The following AACS variants were observed in gnomAD, a reference collection of about 807,000 sequenced individuals.
AACS encodes the protein acetoacetyl-CoA synthetase, also known as acetoacetate-CoA ligase.
A neutral mutation model predicts 83.1 loss-of-function variants in AACS; 69 were observed. That is an observed-to-expected ratio of 0.83 (90% CI 0.68 to 1.01). AACS has a LOEUF of 1.01. Among genes scored for constraint, AACS ranks in the 50% least tolerant of loss-of-function variants. The pLI is 0.00. For synonymous variants in AACS, 333 were observed against 343.4 expected (o/e 0.97, Z 0.33); for missense variants, 866 against 882.2 (o/e 0.98, Z 0.23).
intron 15 of AACS, 83 bp from the exon 16 acceptor site, chr12:125,134,711 G>A (rs1216041820): frequency 7.4e-6 from 11 of 1,492,048 alleles, no homozygotes; most frequent in Non-Finnish European, 9.3e-6. Context: ...GGAAAGTGGG[G>A]GGTGACTGCC....
chr12:125,092,957 C>T (rs1040069278), intron 5 of AACS, among the ~76,000 whole-genome samples: 1 of 152,170 alleles, frequency 6.6e-6, no homozygotes, highest in Non-Finnish European at 1.5e-5. Context: ...GGCTGGCTGC[C>T]TCTGCTCCAT....
At chr12:125,116,918 C>T (rs1008789606) in intron 9 of AACS, among the ~76,000 whole-genome samples, 5 of 144,382 alleles carry the variant, frequency 3.5e-5, no homozygotes, top group Admixed American at 7.2e-5. Context: ...TCCCGTTTTC[C>T]CTTTGCCTTT....
intron 8 of AACS, among the ~76,000 whole-genome samples, chr12:125,112,114 C>T (rs769903245): frequency 6.6e-6 from 1 of 152,152 alleles, no homozygotes; most frequent in African/African-American, 2.4e-5. Flanking sequence ...TAAGTGGATT[C>T]GTGGAAAGAT....
At chr12:125,070,187 T>G (rs1300093307) in intron 1 of AACS, among the ~76,000 whole-genome samples, 1 of 152,168 alleles carries the variant, frequency 6.6e-6, no homozygotes, top group Non-Finnish European at 1.5e-5. Context: ...TACAAGCGGT[T>G]GCGGTTCTCC....
intron 3 of AACS, 98 bp from the exon 4 acceptor site, chr12:125,086,232 C>G: frequency 1.0e-6 from 1 of 994,998 alleles, no homozygotes; most frequent in East Asian, 2.4e-5. Context: ...AGATTAATAA[C>G]CTGCATTGAA....
At position 125,141,943 on chromosome 12, in the gene AACS, G is replaced by A. The variant is rs980093680; in HGVS notation, c.1882-149G>A. The stretch of plus-strand genomic sequence containing the variant: ...TACTTCGGTGCACGTTTGCAGACCT[G>A]GTGGGAAGAGGGGCATCTTAGAGCC... On this transcript the variant is annotated intron_variant, in intron 17 of 17. Coordinates refer to ENST00000316519, the MANE Select transcript of AACS (RefSeq NM_023928.5). 1.3e-5 allele frequency: 12 copies of A among 933,938 alleles called. No individual in the cohort carries two copies. In the South Asian group the frequency reaches 1.9e-4, roughly 15 times the overall value. The allele number at this position is 933,938 out of a possible 1,614,324, so 57.9% of individuals were successfully genotyped here.
At chr12:125,133,115 C>G (rs953090409) in intron 14 of AACS, among the ~76,000 whole-genome samples, 1 of 152,224 alleles carries the variant, frequency 6.6e-6, no homozygotes, top group Non-Finnish European at 1.5e-5. Context: ...AGCAGAGATG[C>G]GCTTTTGATT....
In AACS at chr12:125,097,970, G is replaced by T. The variant is rs139778074; in HGVS notation, c.571-4709G>T. Among the ~76,000 whole-genome samples, 54 of 152,320 alleles carry T rather than the reference G, an allele frequency of 3.5e-4. No homozygotes were observed. Among genetic ancestry groups the T allele is most frequent in the African/African-American group, 1.3e-3 (52 of 41,568 alleles). The stretch of plus-strand genomic sequence containing the variant: ...ACTGCCATCTCTCACGCGTGCCGTC[G>T]TAGTAGCTTCCGACCAGTCTCATTT... On this transcript the variant is annotated intron_variant, in intron 5 of 17. Coordinates refer to ENST00000316519, the MANE Select transcript of AACS (RefSeq NM_023928.5). The surrounding 1 kb of genome is among the most constrained non-coding windows in gnomAD (Gnocchi z 4.3).
rs1036268143 is a variant in AACS, at chr12:125,094,084, G to A, written c.570+2561G>A. Among the ~76,000 whole-genome samples, 1 of 152,214 alleles carries A rather than the reference G, an allele frequency of 6.6e-6. No individual in the cohort carries two copies. Among genetic ancestry groups the A allele is most frequent in the Admixed American group, 6.5e-5 (1 of 15,278 alleles). The stretch of plus-strand genomic sequence containing the variant: ...CTCTATTTACCATCCTTGTTCAGGG[G>A]CTAAAACTAACAGGGATGAATTCCT... On this transcript the variant is annotated intron_variant, in intron 5 of 17. Transcript: ENST00000316519. This position sits in a 1 kb window ranked among gnomAD's most constrained non-coding sequence, Gnocchi z 4.1.
chr12:125,108,827 C>G (rs947847298), intron 8 of AACS, among the ~76,000 whole-genome samples: 2 of 150,162 alleles, frequency 1.3e-5, no homozygotes, highest in East Asian at 3.9e-4. Context: ...GCCGCTATGC[C>G]CTACTCGTTT....
At position 125,072,527 on chromosome 12, in the gene AACS, A is replaced by T. The variant is rs187974585; in HGVS notation, c.134-1349A>T. The stretch of plus-strand genomic sequence containing the variant: ...CCATTGGCCATCTTCCTGTTATGTT[A>T]TTATATCCTTGCCAGTCTCTGCCTT... On this transcript the variant is annotated intron_variant, in intron 1 of 17. Transcript: ENST00000316519. 4.6e-3 allele frequency among the ~76,000 whole-genome samples: 701 copies of T among 152,158 alleles called. 3 individuals are homozygous for T. The highest frequency in any genetic ancestry group is 0.014 in the Middle Eastern group (4 of 294).
chr12:125,075,677 T>C (rs1313928984), intron 2 of AACS, among the ~76,000 whole-genome samples: 1 of 150,096 alleles, frequency 6.7e-6, no homozygotes, highest in Non-Finnish European at 1.5e-5. Flanking sequence ...CACTGCAAGC[T>C]CCGCCTCCTG....
chr12:125,086,594 A>G, intron 4 of AACS, 151 bp downstream of exon 4: 2 of 696,040 alleles, frequency 2.9e-6, no homozygotes, highest in South Asian at 1.9e-5. Flanking sequence ...AGGAGAAAAA[A>G]TAGACCAAGG....
intron 1 of AACS, among the ~76,000 whole-genome samples, chr12:125,066,003 C>A (rs1424372677): frequency 1.3e-5 from 2 of 152,242 alleles, no homozygotes; most frequent in Non-Finnish European, 2.9e-5. Context: ...GACCGTGTGA[C>A]CCCTTGCTAG....
chr12:125,088,425 G>A (rs929884838), intron 4 of AACS, among the ~76,000 whole-genome samples: 1 of 151,926 alleles, frequency 6.6e-6, no homozygotes, highest in Non-Finnish European at 1.5e-5. Flanking sequence ...TAAAGACAGG[G>A]TCTTGCTATG....
chr12:125,119,361 G>T (rs1057491145), intron 10 of AACS, among the ~76,000 whole-genome samples: 3 of 152,202 alleles, frequency 2.0e-5, no homozygotes, highest in African/African-American at 7.2e-5. Context: ...GTCGCCTAGA[G>T]TCCTGTTTCA....
chr12:125,141,333 T>C (rs538078782), intron 17 of AACS: 1 of 152,766 alleles, frequency 6.5e-6, no homozygotes, highest in East Asian at 1.9e-4. Context: ...GAGGCCAGCT[T>C]GGATGTGACA....
Position 125,094,245 on chromosome 12 carries a change from A to G in AACS, c.570+2722A>G, listed in dbSNP as rs1363661635. Reference sequence around the variant, plus strand: ...TTTAATTTCCATCATCACCATGTTAAACTTCAGACTGTGCCCCATTTTCAG... The same window carrying G: ...TTTAATTTCCATCATCACCATGTTAGACTTCAGACTGTGCCCCATTTTCAG... On this transcript the variant is annotated intron_variant, in intron 5 of 17. Coordinates refer to ENST00000316519, the MANE Select transcript of AACS (RefSeq NM_023928.5). This position sits in a 1 kb window ranked among gnomAD's most constrained non-coding sequence, Gnocchi z 4.1. Among the ~76,000 whole-genome samples the G allele has an allele frequency of 6.6e-6, 1 of 152,246 alleles. No individual in the cohort carries two copies. The highest frequency in any genetic ancestry group is 2.4e-5 in the African/African-American group (1 of 41,464).
Position 125,136,765 on chromosome 12 carries a change from C to A in AACS, c.1782C>A (p.Ala594=), listed in dbSNP as rs1355426197. The A allele has an allele frequency of 6.2e-7, 1 of 1,614,158 alleles. No individual in the cohort carries two copies. Among genetic ancestry groups the A allele is most frequent in the Non-Finnish European group, 8.5e-7 (1 of 1,180,040 alleles). Residue 594 remains alanine (A), a synonymous_variant, in exon 17 of 18, where the codon GCC becomes GCA. Coordinates refer to ENST00000316519, the MANE Select transcript of AACS (RefSeq NM_023928.5). The part of the protein sequence containing the change: ...ILFLKMASGH[A]FQPDLVKRIR... ...TCCTGAAGATGGCCTCCGGGCACGC[C>A]TTCCAGCCTGACTTGGTTAAGAGGA...
Sources: allele counts gnomAD v4.1 joint callset (sites outside exome capture counted in the v4.1 genomes callset), GRCh38; gene constraint gnomAD v4.1.1; non-coding constraint Gnocchi (gnomAD v3.1); transcripts MANE v1.5; gene names NCBI Gene and HGNC (gene_info 2026-07-23, HGNC 2026-07-21).